CAMK4: variants seen among roughly 807,000 people sequenced by gnomAD.
CAMK4 encodes the protein calcium/calmodulin dependent protein kinase IV, also known as calcium/calmodulin-dependent protein kinase type IV.
A neutral mutation model predicts 44.9 loss-of-function variants in CAMK4; 22 were observed. The observed-to-expected ratio is 0.49, with a 90% CI of 0.35 to 0.70. CAMK4 has a LOEUF of 0.70. Among genes scored for constraint, CAMK4 ranks in the 30% least tolerant of loss-of-function variants. The probability of loss-of-function intolerance (pLI) is 0.01; values close to 1 mark genes in which losing one functional copy is unlikely to be tolerated. For synonymous variants in CAMK4, 218 were observed against 215.4 expected (o/e 1.01, Z -0.11); for missense variants, 498 against 586.8 (o/e 0.85, Z 1.56).
intron 7 of CAMK4, among the ~76,000 whole-genome samples, chr5:111,461,544 T>C (rs1388795949): frequency 6.6e-6 from 1 of 152,160 alleles, no homozygotes; most frequent in Admixed American, 6.5e-5. Context: ...TGCCCAACTG[T>C]GGGCACTGCT....
intron 1 of CAMK4, among the ~76,000 whole-genome samples, chr5:111,237,040 G>A: frequency 6.6e-6 from 1 of 152,164 alleles, no homozygotes; most frequent in East Asian, 1.9e-4. Flanking sequence ...TTCAGTACGT[G>A]TCTCCCTCTC....
intron 2 of CAMK4, among the ~76,000 whole-genome samples, chr5:111,353,611 C>T (rs965987358): frequency 6.6e-6 from 1 of 151,972 alleles, no homozygotes; most frequent in Non-Finnish European, 1.5e-5. Flanking sequence ...CTAAAGACTC[C>T]ACAAAAGAAC....
At position 111,224,388 on chromosome 5, in the gene CAMK4, C is replaced by G; in HGVS notation, c.-96C>G. 1.4e-6 allele frequency: 2 copies of G among 1,439,242 alleles called. No homozygotes were observed. The highest frequency in any genetic ancestry group is 2.9e-5 in the South Asian group (2 of 69,326). The allele number at this position is 1,439,242 out of a possible 1,614,324, so 89.2% of individuals were successfully genotyped here. ...CGCGCGTGAAGGACGCCGCCTCTCT[C>G]TCGCTCCTGCGTTCGCAGGCGGCGG... On this transcript the variant is annotated 5_prime_UTR_variant, in exon 1 of 11. Coordinates refer to ENST00000282356, the MANE Select transcript of CAMK4 (RefSeq NM_001744.6). The surrounding 1 kb of genome is among the most constrained non-coding windows in gnomAD (Gnocchi z 5.7).
intron 5 of CAMK4, among the ~76,000 whole-genome samples, chr5:111,438,494 A>C (rs1753721465): frequency 6.6e-6 from 1 of 152,216 alleles, no homozygotes; most frequent in Non-Finnish European, 1.5e-5. Flanking sequence ...CCACTTAGAG[A>C]AAATTTATTG....
chr5:111,435,575 C>G (rs1338098317), intron 5 of CAMK4, among the ~76,000 whole-genome samples: 1 of 152,172 alleles, frequency 6.6e-6, no homozygotes, highest in African/African-American at 2.4e-5. Flanking sequence ...GGGCCAAGGT[C>G]AAGATCCCCA....
intron 1 of CAMK4, chr5:111,277,620 T>A (rs1403469614): frequency 6.6e-6 from 1 of 152,224 alleles, no homozygotes; most frequent in African/African-American, 2.4e-5. Context: ...TTGCAACCAA[T>A]ATAGTTTTTA....
In CAMK4 at chr5:111,319,530, G is replaced by A. The variant is rs145342768; in HGVS notation, c.162-24494G>A. ...GAGCTCCAGTTATATATTCCAGGCT[G>A]TGTGCTAGGCACCTGGGACATAGAT... is the stretch of plus-strand genomic sequence containing the variant. On this transcript the variant is annotated intron_variant, in intron 1 of 10. Coordinates refer to ENST00000282356, the MANE Select transcript of CAMK4 (RefSeq NM_001744.6). 3.4e-3 allele frequency among the ~76,000 whole-genome samples: 518 copies of A among 152,224 alleles called. 2 individuals are homozygous for A. The highest frequency in any genetic ancestry group is 0.011 in the African/African-American group (472 of 41,554).
chr5:111,492,836 T>C lies in CAMK4; in HGVS notation c.*8370T>C, dbSNP rs1427085839. ...ACCTTATAGATACAACCTGTACATATATAACCTATGCTGCATTTAGGCAGA... is the reference window on the plus strand; with the variant it reads ...ACCTTATAGATACAACCTGTACATACATAACCTATGCTGCATTTAGGCAGA... On this transcript the variant is annotated 3_prime_UTR_variant, in exon 11 of 11. Coordinates refer to ENST00000282356, the MANE Select transcript of CAMK4 (RefSeq NM_001744.6). 4 of 152,118 alleles carry C rather than the reference T, an allele frequency of 2.6e-5. No homozygotes were observed. Among genetic ancestry groups the C allele is most frequent in the African/African-American group, 9.7e-5 (4 of 41,422 alleles). The allele number at this position is 152,118 out of a possible 1,614,324, so 9.4% of individuals were successfully genotyped here.
At chr5:111,348,779 A>C (rs1561430275) in intron 2 of CAMK4, among the ~76,000 whole-genome samples, 3 of 152,044 alleles carry the variant, frequency 2.0e-5, no homozygotes, top group Admixed American at 1.3e-4. Context: ...CATAATGAGA[A>C]GTCTGTGGAG....
chr5:111,380,463 T>C (rs977233557), intron 4 of CAMK4, among the ~76,000 whole-genome samples: 4 of 152,148 alleles, frequency 2.6e-5, no homozygotes, highest in African/African-American at 9.7e-5. Context: ...AAATATTAAA[T>C]CTAATATCCA....
In CAMK4 at chr5:111,491,675, C is replaced by T. The variant is rs1412883169; in HGVS notation, c.*7209C>T. 1 of 152,100 alleles carries T rather than the reference C, an allele frequency of 6.6e-6. No homozygotes were observed. The highest frequency in any genetic ancestry group is 1.5e-5 in the Non-Finnish European group (1 of 67,994). 9.4% of individuals were successfully genotyped at this position (152,100 alleles called of 1,614,324 possible). ...TTAAAAAGATTTCTAGCACTTTGAG[C>T]ATGTTTTAGAAATTTGATCCTTACA... is the stretch of plus-strand genomic sequence containing the variant. On this transcript the variant is annotated 3_prime_UTR_variant, in exon 11 of 11. Coordinates refer to ENST00000282356, the MANE Select transcript of CAMK4 (RefSeq NM_001744.6).
intron 1 of CAMK4, among the ~76,000 whole-genome samples, chr5:111,249,463 A>T (rs1285095640): frequency 1.3e-5 from 2 of 150,836 alleles, no homozygotes; most frequent in Non-Finnish European, 3.0e-5. Context: ...TTAAATAAAT[A>T]TACATTTATA....
chr5:111,418,971 C>T (rs2112912215), intron 5 of CAMK4, among the ~76,000 whole-genome samples: 1 of 152,194 alleles, frequency 6.6e-6, no homozygotes, highest in East Asian at 1.9e-4. Flanking sequence ...AATGGGATGG[C>T]TGGGTCAAAT....
chr5:111,420,484 G>A (rs2112915814), intron 5 of CAMK4, among the ~76,000 whole-genome samples: 1 of 152,280 alleles, frequency 6.6e-6, no homozygotes, highest in South Asian at 2.1e-4. Context: ...ATATTGAATA[G>A]GAGTGGTGAG....
chr5:111,479,877 C>G (rs1755371477), intron 9 of CAMK4, among the ~76,000 whole-genome samples: 1 of 152,098 alleles, frequency 6.6e-6, no homozygotes, highest in Non-Finnish European at 1.5e-5. Context: ...CAGTTCTCTC[C>G]CCCGGACCAC....
rs545234456 is a variant in CAMK4 at position 111,407,734 on chromosome 5, A to G, written c.459+12952A>G. 4.6e-5 allele frequency among the ~76,000 whole-genome samples: 7 copies of G among 152,266 alleles called. No homozygotes were observed. The East Asian group carries it at 5.8e-4, about 13-fold the overall frequency. Reference sequence around the variant, plus strand: ...TGAACAAGGAATTCTGCCACCCACAATGGCCTCCCTCAGAGGACAGTGTTT... The same window carrying G: ...TGAACAAGGAATTCTGCCACCCACAGTGGCCTCCCTCAGAGGACAGTGTTT... On this transcript the variant is annotated intron_variant, in intron 5 of 10. Coordinates refer to ENST00000282356, the MANE Select transcript of CAMK4 (RefSeq NM_001744.6).
In CAMK4 at chr5:111,297,081, C is replaced by T. The variant is rs541472359; in HGVS notation, c.162-46943C>T. On this transcript the variant is annotated intron_variant, in intron 1 of 10. Transcript: ENST00000282356. Reference sequence around the variant, plus strand: ...GGAGGATCCACCTTGCTCTTAAGCTCCTTTAATGAGCAAAAGCTTCAGACA... The same window carrying T: ...GGAGGATCCACCTTGCTCTTAAGCTTCTTTAATGAGCAAAAGCTTCAGACA... 5.9e-5 allele frequency among the ~76,000 whole-genome samples: 9 copies of T among 152,224 alleles called. No individual in the cohort carries two copies. The South Asian group carries it at 1.7e-3, about 28-fold the overall frequency.
chr5:111,369,156 C>G (rs1056551444), intron 2 of CAMK4, among the ~76,000 whole-genome samples: 4 of 151,776 alleles, frequency 2.6e-5, no homozygotes, highest in Admixed American at 2.0e-4. Flanking sequence ...ACCTCCACCT[C>G]CTGGGTTCAA....
intron 1 of CAMK4, among the ~76,000 whole-genome samples, chr5:111,338,436 C>A (rs1749500757): frequency 6.6e-6 from 1 of 151,168 alleles, no homozygotes; most frequent in African/African-American, 2.4e-5. Context: ...TGATACTTTA[C>A]TTTATTTTGC....
Sources: allele counts gnomAD v4.1 joint callset (sites outside exome capture counted in the v4.1 genomes callset), GRCh38; gene constraint gnomAD v4.1.1; non-coding constraint Gnocchi (gnomAD v3.1); transcripts MANE v1.5; gene names NCBI Gene and HGNC (gene_info 2026-07-23, HGNC 2026-07-21).